Variants in SUN3 observed in about 807,000 individuals in gnomAD.
SUN3 encodes the protein Sad1 and UNC84 domain containing 3, also known as SUN domain-containing protein 3.
In SUN3, 36 loss-of-function variants were observed where a neutral mutation model predicts 48.2. That is an observed-to-expected ratio of 0.75 (90% confidence interval 0.57 to 0.99). The LOEUF is 0.99. SUN3 is among the 50% of genes least tolerant of loss of function. The pLI is 0.00. For missense variants in SUN3, 419 were observed against 433.1 expected, an observed-to-expected ratio of 0.97 and a Z score of 0.29; for synonymous variants, 148 against 147.9, an observed-to-expected ratio of 1.00 and a Z score of 0.00.
chr7:48,029,851 A>T (rs1562617554), upstream of SUN3, among the ~76,000 whole-genome samples: 1 of 152,152 alleles, frequency 6.6e-6, no homozygotes, highest in Non-Finnish European at 1.5e-5. Context: ...ATTGTTGTTG[A>T]TGAGAATTCT....
chr7:48,007,033 G>T, intron 5 of SUN3, 132 bp downstream of exon 5: 1 of 849,876 alleles, frequency 1.2e-6, no homozygotes, highest in South Asian at 2.3e-5. Flanking sequence ...CCAAATATCA[G>T]TCAACACTGG....
chr7:47,988,399 C>A (rs1170016386), intron 9 of SUN3, among the ~76,000 whole-genome samples: 1 of 152,122 alleles, frequency 6.6e-6, no homozygotes, highest in Non-Finnish European at 1.5e-5. Context: ...ATCCTCTATT[C>A]CTTTGAGCTT....
intron 6 of SUN3, among the ~76,000 whole-genome samples, chr7:48,005,671 A>G (rs1789503848): frequency 6.6e-6 from 1 of 152,036 alleles, no homozygotes; most frequent in Non-Finnish European, 1.5e-5. Flanking sequence ...TAATAATACA[A>G]AATGTCCTAA....
At chr7:48,008,112 C>CTG (rs199636422) in intron 4 of SUN3, among the ~76,000 whole-genome samples, 2 of 152,182 alleles carry the variant, frequency 1.3e-5, no homozygotes, top group Non-Finnish European at 2.9e-5. Flanking sequence ...GCGTGAGCCA[C>CTG]CACGCCCGGC....
the SUN3 span, chr7:48,035,620 G>C: frequency 1.5e-6 from 1 of 687,976 alleles, no homozygotes; most frequent in Non-Finnish European, 2.6e-6. This position sits in a 1 kb window ranked among gnomAD's most constrained non-coding sequence, Gnocchi z 4.0. Context: ...ACGGAGACCC[G>C]CGGGGAGCTG....
At chr7:48,008,898 A>G in intron 4 of SUN3, 137 bp downstream of exon 4, 1 of 712,116 alleles carries the variant, frequency 1.4e-6, no homozygotes, top group Non-Finnish European at 2.4e-6. Flanking sequence ...ATTAAATATT[A>G]ATAATAGTTA....
intron 6 of SUN3, among the ~76,000 whole-genome samples, chr7:48,000,933 T>C (rs1789348361): frequency 6.6e-6 from 1 of 151,992 alleles, no homozygotes; most frequent in Admixed American, 6.6e-5. Context: ...CATTGGTCTC[T>C]TCTTCATCTC....
At chr7:47,990,858 A>T (rs994662287) in intron 8 of SUN3, among the ~76,000 whole-genome samples, 11 of 149,158 alleles carry the variant, frequency 7.4e-5, no homozygotes, top group Non-Finnish European at 1.2e-4. Flanking sequence ...GAACAGAAAA[A>T]CAAATACTCT....
intron 2 of SUN3, among the ~76,000 whole-genome samples, chr7:48,019,754 A>G (rs1490228622): frequency 1.3e-5 from 2 of 152,054 alleles, no homozygotes; most frequent in African/African-American, 4.8e-5. Context: ...AAACCTGAAC[A>G]GACCAATAAA....
upstream of SUN3, among the ~76,000 whole-genome samples, chr7:48,031,385 G>T (rs1033684913): frequency 2.0e-5 from 3 of 152,182 alleles, no homozygotes; most frequent in Non-Finnish European, 2.9e-5. Context: ...AACAGCTAGT[G>T]TTGCACAAAG....
rs754397235 is a variant in SUN3 at position 48,007,115 on chromosome 7, G to C, written c.492+50C>G. The C allele has an allele frequency of 2.6e-6, 4 of 1,563,752 alleles. No individual in the cohort carries two copies. The Admixed American group carries it at 7.5e-5, about 29-fold the overall frequency. ...TCACTCCCCGTCACCCTGGACATCC[G>C]CGCTAACCACCACCCCACCCTGCCC... On this transcript the variant is annotated intron_variant, in intron 5 of 9. Transcript: ENST00000297325.
rs749967728 is a variant in SUN3, at chr7:48,028,878, C to T, written c.61G>A (p.Ala21Thr). 8 of 1,613,836 alleles carry T rather than the reference C, an allele frequency of 5.0e-6. No homozygotes were observed. Among genetic ancestry groups the T allele is most frequent in the African/African-American group, 2.7e-5 (2 of 74,912 alleles). Residue 21 changes from alanine to threonine, a missense_variant, in exon 1 of 10, where the codon GCC becomes ACC. Transcript: ENST00000297325. ...GCATTGCCACTGGCGCTACCGCTGG[C>T]GTCTTCAGAGCAACGTCTAAAAAAC... ...AMFFRRCSEDASGSASGNALL... is the reference protein window; with the variant it reads ...AMFFRRCSEDTSGSASGNALL...
upstream of SUN3, among the ~76,000 whole-genome samples, chr7:48,031,832 G>GCGCACA (rs1554297882): frequency 1.4e-5 from 2 of 142,270 alleles, no homozygotes; most frequent in Admixed American, 7.0e-5. Flanking sequence ...TGTGATTTAT[G>GCGCACA]CACACACACA....
At chr7:47,998,760 A>C (rs1431312903) in intron 6 of SUN3, among the ~76,000 whole-genome samples, 2 of 152,036 alleles carry the variant, frequency 1.3e-5, no homozygotes, top group Non-Finnish European at 2.9e-5. Context: ...TTGCATATGA[A>C]TGTCCACCTG....
intron 6 of SUN3, among the ~76,000 whole-genome samples, chr7:47,999,306 G>T (rs1207807840): frequency 6.6e-6 from 1 of 151,928 alleles, no homozygotes; most frequent in African/African-American, 2.4e-5. Context: ...TTAGTATATA[G>T]AAATTGTATA....
intron 1 of SUN3, among the ~76,000 whole-genome samples, chr7:48,026,157 G>T (rs1236179272): frequency 1.3e-5 from 2 of 151,970 alleles, no homozygotes; most frequent in Non-Finnish European, 2.9e-5. Context: ...ATATGAGTGC[G>T]CATACATAGA....
chr7:48,012,167 A>G (rs560852803), intron 3 of SUN3, among the ~76,000 whole-genome samples: 99 of 152,312 alleles, frequency 6.5e-4, no homozygotes, highest in Non-Finnish European at 1.2e-3. Flanking sequence ...GGAAAGCCTC[A>G]TCAGATGTGA....
At chr7:48,002,780 T>C (rs962170109) in intron 6 of SUN3, among the ~76,000 whole-genome samples, 1 of 152,218 alleles carries the variant, frequency 6.6e-6, no homozygotes, top group African/African-American at 2.4e-5. Context: ...TTGCTTTTGA[T>C]GTCTTTGTCG....
At position 48,019,321 on chromosome 7, in the gene SUN3, T is replaced by C. The variant is rs576156586; in HGVS notation, c.185-1956A>G. 8.7e-4 allele frequency among the ~76,000 whole-genome samples: 133 copies of C among 152,164 alleles called. 1 individual carries two copies. Among genetic ancestry groups the C allele is most frequent in the Non-Finnish European group, 1.4e-3 (93 of 68,000 alleles). On this transcript the variant is annotated intron_variant, in intron 2 of 9. Transcript: ENST00000297325. ...GCAGTACTAAGAGGGAAGATTATAGTTGTAAGTGCCTATATTGAAAAAGAG... is the reference window on the plus strand; with the variant it reads ...GCAGTACTAAGAGGGAAGATTATAGCTGTAAGTGCCTATATTGAAAAAGAG...
Sources: allele counts gnomAD v4.1 joint callset (sites outside exome capture counted in the v4.1 genomes callset), GRCh38; gene constraint gnomAD v4.1.1; non-coding constraint Gnocchi (gnomAD v3.1); transcripts MANE v1.5; gene names NCBI Gene and HGNC (gene_info 2026-07-23, HGNC 2026-07-21).